ADAM2: variants seen among roughly 807,000 people sequenced by gnomAD.
ADAM2 encodes disintegrin and metalloproteinase domain-containing protein 2.
A neutral mutation model predicts 99.3 loss-of-function variants in ADAM2; 101 were observed. The ratio of observed to expected loss-of-function variants is 1.02; its 90% CI spans 0.87 to 1.20. ADAM2 has a LOEUF of 1.20. Ranked by LOEUF, ADAM2 falls within the 50% of genes most tolerant of loss-of-function variation. The pLI, the probability that ADAM2 is intolerant of heterozygous loss-of-function variation, is 0.00. For missense variants in ADAM2, 948 were observed against 878.7 expected (o/e 1.08, Z -1.00); for synonymous variants, 323 against 287.6 (o/e 1.12, Z -1.25).
intron 3 of ADAM2, 30 bp downstream of exon 3, chr8:39,833,914 A>C (rs1252815378): frequency 1.7e-6 from 2 of 1,169,436 alleles, no homozygotes; most frequent in Admixed American, 3.7e-5. Flanking sequence ...TAGAACAAAG[A>C]GAATTGATAA....
chr8:39,837,050 C>T (rs1474174977), intron 2 of ADAM2, 86 bp downstream of exon 2: 2 of 1,016,948 alleles, frequency 2.0e-6, no homozygotes, highest in African/African-American at 3.3e-5. Context: ...AACAGGTGTG[C>T]ATGAATGAAA....
At chr8:39,817,896 T>C (rs1399945051) in intron 6 of ADAM2, 2 of 151,810 alleles carry the variant, frequency 1.3e-5, no homozygotes, top group Admixed American at 6.6e-5. Context: ...ACTACCTAAA[T>C]TGACTCCAAA....
chr8:39,744,854 T>G lies in ADAM2; in HGVS notation c.*6A>C. 6.2e-7 allele frequency: 1 copy of G among 1,600,154 alleles called. No homozygotes were observed. On this transcript the variant is annotated 3_prime_UTR_variant, in exon 20 of 21. Coordinates refer to ENST00000265708, the MANE Select transcript of ADAM2 (RefSeq NM_001464.5). Reference sequence around the variant, plus strand: ...CAGTGATATCATGGCATCTCTGTTGTCCAGACTACCCTTTAGGTTCACTCT... The same window carrying G: ...CAGTGATATCATGGCATCTCTGTTGGCCAGACTACCCTTTAGGTTCACTCT...
At chr8:39,747,489 G>C (rs1336630989) in intron 18 of ADAM2, among the ~76,000 whole-genome samples, 1 of 152,090 alleles carries the variant, frequency 6.6e-6, no homozygotes, top group Admixed American at 6.6e-5. Flanking sequence ...TTGTATAGAA[G>C]AAAGAGTCTC....
chr8:39,752,973 C>T (rs1419821530), intron 16 of ADAM2, among the ~76,000 whole-genome samples: 1 of 152,072 alleles, frequency 6.6e-6, no homozygotes, highest in East Asian at 1.9e-4. Context: ...AGCATGAGAA[C>T]AGACTAATAC....
At chr8:39,746,730 C>T (rs912794495) in intron 18 of ADAM2, 99 bp from the exon 19 acceptor site, 1 of 930,628 alleles carries the variant, frequency 1.1e-6, no homozygotes, top group Non-Finnish European at 1.6e-6. Flanking sequence ...AATCTTTGAA[C>T]AATTTAATAA....
chr8:39,787,356 T>C (rs995619468), intron 9 of ADAM2, among the ~76,000 whole-genome samples: 4 of 151,378 alleles, frequency 2.6e-5, no homozygotes, highest in Non-Finnish European at 4.4e-5. Flanking sequence ...ATAAAATTCC[T>C]TAAAAGTAAA....
At chr8:39,831,779 G>A (rs1805627985) in intron 3 of ADAM2, among the ~76,000 whole-genome samples, 1 of 152,100 alleles carries the variant, frequency 6.6e-6, no homozygotes, top group Non-Finnish European at 1.5e-5. Context: ...AAATGTGAAT[G>A]AGTACATAGA....
chr8:39,810,796 GA>G (rs1371163706), intron 6 of ADAM2, among the ~76,000 whole-genome samples: 2 of 152,128 alleles, frequency 1.3e-5, no homozygotes, highest in Non-Finnish European at 2.9e-5. Flanking sequence ...TGTGTAGAGG[GA>G]AATTTATAGC....
intron 10 of ADAM2, 122 bp from the exon 11 acceptor site, chr8:39,777,283 A>G (rs1803031388): frequency 1.5e-6 from 1 of 689,518 alleles, no homozygotes; most frequent in Non-Finnish European, 2.4e-6. Flanking sequence ...CAAAAGTGCC[A>G]TCCTTGTTGG....
intron 10 of ADAM2, among the ~76,000 whole-genome samples, chr8:39,779,508 A>C (rs983885781): frequency 1.3e-5 from 2 of 152,170 alleles, no homozygotes; most frequent in Non-Finnish European, 2.9e-5. Flanking sequence ...AAAATTTTAA[A>C]GATATGGAAA....
At chr8:39,814,466 T>C (rs1228519432) in intron 6 of ADAM2, among the ~76,000 whole-genome samples, 2 of 152,098 alleles carry the variant, frequency 1.3e-5, no homozygotes, top group Non-Finnish European at 2.9e-5. Flanking sequence ...GGACTCCAAA[T>C]TTAGGACAAA....
intron 7 of ADAM2, among the ~76,000 whole-genome samples, chr8:39,798,548 C>T (rs1189102382): frequency 2.6e-5 from 4 of 152,278 alleles, no homozygotes; most frequent in Admixed American, 6.5e-5. Flanking sequence ...ATGATGCTGG[C>T]TTCATCAAAT....
At chr8:39,796,871 GC>G (rs1423958278) in intron 7 of ADAM2, among the ~76,000 whole-genome samples, 1 of 151,960 alleles carries the variant, frequency 6.6e-6, no homozygotes, top group Non-Finnish European at 1.5e-5. Flanking sequence ...CATATCCTTT[GC>G]CCACTTTTTG....
intron 18 of ADAM2, among the ~76,000 whole-genome samples, chr8:39,747,387 G>A (rs1043469935): frequency 5.3e-5 from 8 of 152,122 alleles, no homozygotes; most frequent in African/African-American, 1.7e-4. Context: ...GATCCTGTGA[G>A]GCTGTTATGA....
intron 7 of ADAM2, among the ~76,000 whole-genome samples, chr8:39,794,547 G>A (rs553292928): frequency 7.9e-5 from 12 of 152,072 alleles, no homozygotes; most frequent in Non-Finnish European, 1.5e-4. Context: ...GCCTGGCACC[G>A]CACCATGGGA....
At chr8:39,775,953 T>A (rs1390201776) in intron 11 of ADAM2, among the ~76,000 whole-genome samples, 2 of 152,046 alleles carry the variant, frequency 1.3e-5, no homozygotes, top group African/African-American at 4.8e-5. Flanking sequence ...AAGAGCCCAA[T>A]AGCCCATTGG....
intron 12 of ADAM2, among the ~76,000 whole-genome samples, 180 bp downstream of exon 12, chr8:39,769,212 T>A (rs1802682147): frequency 6.6e-6 from 1 of 152,222 alleles, no homozygotes; most frequent in Non-Finnish European, 1.5e-5. Flanking sequence ...CACAAAGCAC[T>A]GAAGCACTAC....
At chr8:39,827,480 T>G (rs1805456536) in intron 3 of ADAM2, among the ~76,000 whole-genome samples, 1 of 152,144 alleles carries the variant, frequency 6.6e-6, no homozygotes, top group South Asian at 2.1e-4. Flanking sequence ...GAATCAAGCT[T>G]AAGTTTCCAT....
Sources: gnomAD v4.1 joint callset for allele counts (sites outside exome capture counted in the v4.1 genomes callset) on GRCh38, gnomAD v4.1.1 for gene constraint, MANE v1.5 for transcripts, NCBI Gene and HGNC (gene_info 2026-07-23, HGNC 2026-07-21) for gene names.